The following ELMO1 variants were observed in gnomAD, a reference collection of about 807,000 sequenced individuals.
ELMO1 encodes the protein engulfment and cell motility protein 1.
Under a neutral mutation model 98.9 loss-of-function variants are expected in ELMO1, and 26 were observed. The ratio of observed to expected loss-of-function variants is 0.26; its 90% CI spans 0.19 to 0.36. The LOEUF (loss-of-function observed/expected upper bound fraction) is 0.36. Among genes scored for constraint, ELMO1 ranks in the 10% least tolerant of loss-of-function variants. The probability of loss-of-function intolerance (pLI) is 1.00; values close to 1 mark genes in which losing one functional copy is unlikely to be tolerated. For missense variants in ELMO1, 627 were observed against 935.2 expected (o/e 0.67, Z 4.30); for synonymous variants, 346 against 346.0 (o/e 1.00, Z 0.00).
At chr7:37,078,662 TA>T (rs1350443823) in intron 15 of ELMO1, among the ~76,000 whole-genome samples, 11 of 152,212 alleles carry the variant, frequency 7.2e-5, no homozygotes, top group Non-Finnish European at 1.6e-4. Flanking sequence ...TTCTAAGAAT[TA>T]ATTTACAGGA....
intron 7 of ELMO1, among the ~76,000 whole-genome samples, chr7:37,238,092 T>C (rs1381014524): frequency 1.3e-5 from 2 of 152,176 alleles, no homozygotes; most frequent in East Asian, 1.9e-4. Context: ...ACTGAACCTA[T>C]AGTATAAAGA....
intron 6 of ELMO1, among the ~76,000 whole-genome samples, chr7:37,255,872 G>T (rs2717963): frequency 6.6e-6 from 1 of 151,956 alleles, no homozygotes; most frequent in African/African-American, 2.4e-5. Context: ...GCCTCCCCCA[G>T]GCCCCACTCT....
intron 16 of ELMO1, among the ~76,000 whole-genome samples, chr7:36,996,437 G>A (rs375009551): frequency 6.8e-6 from 1 of 147,126 alleles, no homozygotes; most frequent in Non-Finnish European, 1.5e-5. Flanking sequence ...TTTCTTTTTG[G>A]TAGGCACTCT....
intron 15 of ELMO1, among the ~76,000 whole-genome samples, chr7:37,018,167 C>T (rs1379335911): frequency 6.8e-6 from 1 of 147,780 alleles, no homozygotes; most frequent in South Asian, 2.1e-4. Flanking sequence ...GCTCCTGTTG[C>T]CCAGGCTGGA....
At chr7:37,246,372 A>T (rs560794722) in intron 6 of ELMO1, among the ~76,000 whole-genome samples, 7 of 152,182 alleles carry the variant, frequency 4.6e-5, no homozygotes, top group Admixed American at 2.0e-4. Context: ...GTGTCTCCCT[A>T]CAAACTTTTC....
intron 1 of ELMO1, among the ~76,000 whole-genome samples, chr7:37,436,826 G>C (rs17171045): frequency 0.16 from 24,887 of 152,256 alleles, 2,309 homozygotes; most frequent in East Asian, 0.36. Flanking sequence ...GAAAGCTGGT[G>C]TAATTGAACG....
intron 1 of ELMO1, among the ~76,000 whole-genome samples, chr7:37,398,223 G>T (rs1215200643): frequency 6.6e-6 from 1 of 152,136 alleles, no homozygotes; most frequent in East Asian, 1.9e-4. Flanking sequence ...ACTGTTGTGA[G>T]AATTAAAAGA....
chr7:37,181,514 C>T (rs1213666565), intron 13 of ELMO1, among the ~76,000 whole-genome samples: 1 of 152,096 alleles, frequency 6.6e-6, no homozygotes, highest in Non-Finnish European at 1.5e-5. Flanking sequence ...AAATGCAATC[C>T]TAGTTACAGA....
At chr7:37,225,162 C>A in intron 8 of ELMO1, 132 bp from the exon 9 acceptor site, 2 of 985,876 alleles carry the variant, frequency 2.0e-6, no homozygotes, top group Non-Finnish European at 3.0e-6. Flanking sequence ...GGAATTACAG[C>A]AAAATAGCAA....
chr7:37,076,367 T>C (rs771871030), intron 15 of ELMO1, among the ~76,000 whole-genome samples: 2 of 152,196 alleles, frequency 1.3e-5, no homozygotes, highest in Non-Finnish European at 2.9e-5. Flanking sequence ...ATTATAGTAT[T>C]ATCTTAAGCA....
chr7:37,221,491 G>A (rs1207900777), intron 10 of ELMO1, among the ~76,000 whole-genome samples: 3 of 152,008 alleles, frequency 2.0e-5, no homozygotes, highest in Non-Finnish European at 2.9e-5. Flanking sequence ...TGTGACCAGG[G>A]TAACATATTA....
chr7:36,894,713 C>A, intron 17 of ELMO1, 141 bp downstream of exon 17: 1 of 1,060,936 alleles, frequency 9.4e-7, no homozygotes, highest in Non-Finnish European at 1.4e-6. Context: ...ACTCCCCTAA[C>A]TAAATGGAGA....
intron 20 of ELMO1, among the ~76,000 whole-genome samples, chr7:36,864,401 G>A (rs1368437984): frequency 6.6e-6 from 1 of 152,132 alleles, no homozygotes; most frequent in African/African-American, 2.4e-5. Flanking sequence ...TGGGAAATTC[G>A]TGAGAATGTC....
At chr7:37,105,899 G>C (rs888940000) in intron 14 of ELMO1, among the ~76,000 whole-genome samples, 2 of 152,192 alleles carry the variant, frequency 1.3e-5, no homozygotes, top group Non-Finnish European at 2.9e-5. Flanking sequence ...ACTGCTTAGC[G>C]GGTATGGGGT....
chr7:37,309,282 G>T (rs1798776294), intron 4 of ELMO1, among the ~76,000 whole-genome samples: 1 of 152,150 alleles, frequency 6.6e-6, no homozygotes, highest in Non-Finnish European at 1.5e-5. Context: ...CAGCTCTCAA[G>T]AGACTTATTC....
intron 1 of ELMO1, among the ~76,000 whole-genome samples, chr7:37,408,303 G>A (rs1803857311): frequency 6.6e-6 from 1 of 152,192 alleles, no homozygotes; most frequent in Non-Finnish European, 1.5e-5. Flanking sequence ...TGGGCAGTCT[G>A]GCTACCTGAT....
intron 16 of ELMO1, among the ~76,000 whole-genome samples, chr7:36,976,851 C>T (rs1790593361): frequency 6.6e-6 from 1 of 152,202 alleles, no homozygotes; most frequent in African/African-American, 2.4e-5. Flanking sequence ...AAAGTCTTCA[C>T]ACCATTCAGG....
In ELMO1 at chr7:37,366,149, T is replaced by C. The variant is rs35444912; in HGVS notation, c.-73-23386A>G. ...GAAAATTCAGAAAGAATGCTCTGATTTTTGCTCCTCGATTTCTATAGCATG... is the reference window on the plus strand; with the variant it reads ...GAAAATTCAGAAAGAATGCTCTGATCTTTGCTCCTCGATTTCTATAGCATG... On this transcript the variant is annotated intron_variant, in intron 1 of 21. Transcript: ENST00000310758. Among the ~76,000 whole-genome samples, 293 of 152,202 alleles carry C rather than the reference T, an allele frequency of 1.9e-3. 2 individuals carry two copies. Among genetic ancestry groups the C allele is most frequent in the Non-Finnish European group, 3.5e-3 (241 of 68,012 alleles).
intron 6 of ELMO1, among the ~76,000 whole-genome samples, chr7:37,256,574 G>GGAAC (rs1795662857): frequency 1.0e-5 from 1 of 95,268 alleles, no homozygotes; most frequent in Admixed American, 1.2e-4. Context: ...AAGGAAGGAA[G>GGAAC]GAAAGGAGGG....
Sources: gnomAD v4.1 joint callset for allele counts (sites outside exome capture counted in the v4.1 genomes callset) on GRCh38, gnomAD v4.1.1 for gene constraint, MANE v1.5 for transcripts, NCBI Gene and HGNC (gene_info 2026-07-23, HGNC 2026-07-21) for gene names.